The following LRRC37A2 variants were observed in gnomAD, a reference collection of about 807,000 sequenced individuals.
The protein encoded by LRRC37A2 is leucine-rich repeat-containing protein 37A2.
A neutral mutation model predicts 68.8 loss-of-function variants in LRRC37A2; 9 were observed. The observed-to-expected ratio is 0.13, with a 90% CI of 0.08 to 0.23. The LOEUF is 0.23. Among genes scored for constraint, LRRC37A2 ranks in the 10% least tolerant of loss-of-function variants. LRRC37A2 has a pLI of 1.00. For synonymous variants in LRRC37A2, 63 were observed against 367.6 expected, an observed-to-expected ratio of 0.17 and a Z score of 9.48; for missense variants, 168 against 950.4, an observed-to-expected ratio of 0.18 and a Z score of 10.82.
the LRRC37A2 span, among the ~76,000 whole-genome samples, chr17:46,895,856 G>A: frequency 2.0e-3 from 312 of 152,302 alleles, 2 homozygotes; most frequent in African/African-American, 6.8e-3. Flanking sequence ...TACTGCAGGT[G>A]TCTGAGGATC....
chr17:46,888,071 C>T, the LRRC37A2 span, among the ~76,000 whole-genome samples: 1 of 152,114 alleles, frequency 6.6e-6, no homozygotes, highest in Non-Finnish European at 1.5e-5. Context: ...TGAATGTATT[C>T]CTGATCCAAA....
the LRRC37A2 span, chr17:47,033,191 C>T: frequency 5.0e-6 from 3 of 598,232 alleles, no homozygotes; most frequent in Non-Finnish European, 8.6e-6. Flanking sequence ...CACTGCACTC[C>T]AGCCTGGGCA....
At chr17:46,932,357 A>G in the LRRC37A2 span, 3 of 776,950 alleles carry the variant, frequency 3.9e-6, no homozygotes, top group Non-Finnish European at 6.5e-6. Context: ...TGCCACAGAG[A>G]CTAGACCTAG....
the LRRC37A2 span, among the ~76,000 whole-genome samples, chr17:46,993,780 G>C: frequency 6.6e-6 from 1 of 152,230 alleles, no homozygotes; most frequent in South Asian, 2.1e-4. Flanking sequence ...TGGCTGCCAT[G>C]TATCAGAATT....
chr17:46,736,808 A>G, the LRRC37A2 span, among the ~76,000 whole-genome samples: 1 of 152,330 alleles, frequency 6.6e-6, no homozygotes, highest in Admixed American at 6.5e-5. Context: ...ATTTAATTGA[A>G]TATCTGAAAT....
the LRRC37A2 span, among the ~76,000 whole-genome samples, chr17:46,766,562 C>A: frequency 6.6e-6 from 1 of 152,172 alleles, no homozygotes; most frequent in African/African-American, 2.4e-5. Context: ...TGTTCAGATA[C>A]CGACAAAGGT....
chr17:46,863,985 T>A, the LRRC37A2 span, among the ~76,000 whole-genome samples: 25 of 152,264 alleles, frequency 1.6e-4, no homozygotes, highest in African/African-American at 6.0e-4. Flanking sequence ...ACAAGTGGAA[T>A]CTGCAGCATG....
chr17:47,033,129 A>G, the LRRC37A2 span: 2 of 586,840 alleles, frequency 3.4e-6, no homozygotes, highest in African/African-American at 1.9e-5. Flanking sequence ...AGGCAGGAGA[A>G]TCACTTGACT....
chr17:46,418,193 TTGTG>T, the LRRC37A2 span, among the ~76,000 whole-genome samples: 35 of 57,144 alleles, frequency 6.1e-4, 12 homozygotes, highest in African/African-American at 1.3e-3. Context: ...GGAAAATAAA[TTGTG>T]TGTGTGTGTG....
chr17:46,879,006 G>GCC, the LRRC37A2 span, among the ~76,000 whole-genome samples: 1 of 152,142 alleles, frequency 6.6e-6, no homozygotes, highest in Non-Finnish European at 1.5e-5. Context: ...CCCTCTTGGG[G>GCC]CCCCTGGGGA....
chr17:46,944,610 C>CT, the LRRC37A2 span, among the ~76,000 whole-genome samples: 154 of 144,244 alleles, frequency 1.1e-3, 1 homozygote, highest in African/African-American at 2.8e-3. Context: ...TTTTAATTTT[C>CT]TTTTTTTTTT....
At chr17:46,851,718 C>T in the LRRC37A2 span, 3 of 1,293,182 alleles carry the variant, frequency 2.3e-6, no homozygotes, top group Non-Finnish European at 2.0e-6. The surrounding 1 kb of genome is among the most constrained non-coding windows in gnomAD (Gnocchi z 4.3). Flanking sequence ...TACTTCGGGT[C>T]AGTGCCCGCC....
chr17:46,912,759 C>T, the LRRC37A2 span, among the ~76,000 whole-genome samples: 6 of 152,160 alleles, frequency 3.9e-5, no homozygotes, highest in Admixed American at 2.6e-4. Flanking sequence ...GTTTCCCTGG[C>T]TTTGGGGTGG....
At chr17:46,979,304 A>C in the LRRC37A2 span, 1 of 236,742 alleles carries the variant, frequency 4.2e-6, no homozygotes, top group Non-Finnish European at 8.5e-6. Context: ...CCCCTCCCCT[A>C]GCAACGGCCC....
the LRRC37A2 span, among the ~76,000 whole-genome samples, chr17:46,954,744 C>T: frequency 1.3e-5 from 2 of 152,304 alleles, no homozygotes; most frequent in South Asian, 4.1e-4. Flanking sequence ...TCCTTCACAT[C>T]CCTTGTAAAT....
chr17:46,886,382 G>C, the LRRC37A2 span: 1 of 152,178 alleles, frequency 6.6e-6, no homozygotes, highest in African/African-American at 2.4e-5. Flanking sequence ...AAATTTGTAG[G>C]AGGCCATTAG....
chr17:46,388,545 A>G, the LRRC37A2 span, among the ~76,000 whole-genome samples: 1 of 2,312 alleles, frequency 4.3e-4, no homozygotes, highest in African/African-American at 6.7e-4. Context: ...CTGGGCAACA[A>G]GAGCAAAACT....
chr17:46,740,571 T>C, the LRRC37A2 span, among the ~76,000 whole-genome samples: 3 of 152,170 alleles, frequency 2.0e-5, no homozygotes, highest in Admixed American at 6.5e-5. Context: ...GTGGTCATCT[T>C]AGTTAAGTTT....
chr17:46,927,990 C>G, the LRRC37A2 span, among the ~76,000 whole-genome samples: 1 of 152,188 alleles, frequency 6.6e-6, no homozygotes, highest in Non-Finnish European at 1.5e-5. Flanking sequence ...CCGTTACCCT[C>G]CGGTCCCCTG....
Sources: allele counts gnomAD v4.1 joint callset (sites outside exome capture counted in the v4.1 genomes callset), GRCh38; gene constraint gnomAD v4.1.1; non-coding constraint Gnocchi (gnomAD v3.1); transcripts MANE v1.5; gene names NCBI Gene and HGNC (gene_info 2026-07-23, HGNC 2026-07-21).